Variants in PKHD1L1 observed in about 807,000 individuals in gnomAD.
PKHD1L1 encodes the protein fibrocystin-L.
Under a neutral mutation model 462.9 loss-of-function variants are expected in PKHD1L1, and 434 were observed. The ratio of observed to expected loss-of-function variants is 0.94; its 90% CI spans 0.87 to 1.02. The LOEUF is 1.02. Ranked by LOEUF, PKHD1L1 falls within the 50% of genes least tolerant of loss-of-function variation. The probability of loss-of-function intolerance (pLI) is 0.00; values close to 1 mark genes in which losing one functional copy is unlikely to be tolerated. For synonymous variants in PKHD1L1, 1,781 were observed against 1,750.0 expected (o/e 1.02, Z -0.44); for missense variants, 5,202 against 5,096.1 (o/e 1.02, Z -0.63).
At chr8:109,491,667 T>C (rs760972131) in intron 61 of PKHD1L1, among the ~76,000 whole-genome samples, 4 of 151,870 alleles carry the variant, frequency 2.6e-5, no homozygotes, top group Non-Finnish European at 5.9e-5. Flanking sequence ...TCCCAGAAGA[T>C]TCTAATTCAG....
At chr8:109,392,083 C>A (rs1317012853) in intron 9 of PKHD1L1, among the ~76,000 whole-genome samples, 2 of 152,192 alleles carry the variant, frequency 1.3e-5, no homozygotes, top group East Asian at 3.8e-4. Flanking sequence ...GACCTACTTA[C>A]ATACGACTTG....
At chr8:109,418,888 T>C (rs1302966801) in intron 21 of PKHD1L1, among the ~76,000 whole-genome samples, 1 of 152,236 alleles carries the variant, frequency 6.6e-6, no homozygotes, top group African/African-American at 2.4e-5. Flanking sequence ...AAAGCCTATA[T>C]TTGTATACAA....
chr8:109,472,844 C>G (rs1012946003), intron 50 of PKHD1L1, among the ~76,000 whole-genome samples: 1 of 151,848 alleles, frequency 6.6e-6, no homozygotes, highest in Non-Finnish European at 1.5e-5. Context: ...TATATGTATG[C>G]TGAGTGAAAC....
intron 61 of PKHD1L1, 32 bp downstream of exon 61, chr8:109,491,133 C>A: frequency 6.3e-7 from 1 of 1,586,538 alleles, no homozygotes; most frequent in Non-Finnish European, 8.6e-7. Flanking sequence ...TCAAATTACA[C>A]ATCCTGTGGA....
intron 62 of PKHD1L1, among the ~76,000 whole-genome samples, chr8:109,493,229 ATATT>A (rs1181376702): frequency 1.3e-5 from 2 of 148,238 alleles, no homozygotes; most frequent in African/African-American, 4.9e-5. Flanking sequence ...ATATAAATAT[ATATT>A]TATATTAAAC....
intron 40 of PKHD1L1, among the ~76,000 whole-genome samples, chr8:109,449,968 T>C (rs1816391239): frequency 6.6e-6 from 1 of 152,226 alleles, no homozygotes; most frequent in Non-Finnish European, 1.5e-5. Flanking sequence ...TGTCAGGTTT[T>C]ATCAGTTAAT....
intron 77 of PKHD1L1, among the ~76,000 whole-genome samples, 156 bp from the exon 78 acceptor site, chr8:109,529,924 A>G (rs940185522): frequency 2.6e-4 from 40 of 152,130 alleles, no homozygotes; most frequent in Non-Finnish European, 5.9e-4. Flanking sequence ...TTCTACAAAA[A>G]AACCATTACT....
intron 23 of PKHD1L1, among the ~76,000 whole-genome samples, chr8:109,422,171 G>C (rs1814507401): frequency 1.3e-5 from 2 of 151,988 alleles, no homozygotes; most frequent in African/African-American, 4.8e-5. Flanking sequence ...TCATAACCAG[G>C]AAATTGACAT....
At chr8:109,460,755 G>T (rs1817077766) in intron 47 of PKHD1L1, among the ~76,000 whole-genome samples, 2 of 152,142 alleles carry the variant, frequency 1.3e-5, no homozygotes, top group Admixed American at 1.3e-4. Context: ...AAATATAAAA[G>T]TCTATTTCCC....
chr8:109,508,005 TTAAACTAGC>T, intron 69 of PKHD1L1, 83 bp from the exon 70 acceptor site: 1 of 1,496,804 alleles, frequency 6.7e-7, no homozygotes, highest in Middle Eastern at 1.8e-4. Context: ...TTTCTACTTC[TTAAACTAGC>T]ATAACAAGAA....
At chr8:109,413,307 G>A (rs1029416513) in intron 20 of PKHD1L1, 114 bp from the exon 21 acceptor site, 14 of 739,864 alleles carry the variant, frequency 1.9e-5, no homozygotes, top group South Asian at 4.2e-5. Flanking sequence ...GTTCTGGTAC[G>A]TTTTATGTAG....
chr8:109,415,716 G>A (rs1008763108), intron 21 of PKHD1L1, among the ~76,000 whole-genome samples: 2 of 152,052 alleles, frequency 1.3e-5, no homozygotes, highest in Admixed American at 1.3e-4. Context: ...GGGCATGGTG[G>A]TGCACACCTG....
At position 109,438,963 on chromosome 8, in the gene PKHD1L1, A is replaced by G. The variant is rs1390619098; in HGVS notation, c.3827A>G (p.Tyr1276Cys). The change falls in exon 32 of 78, where the codon TAT (tyrosine) becomes TGT (cysteine). Residue 1276 changes from tyrosine to cysteine, a missense_variant. Physicochemically the swap from Tyr to Cys is radical, Grantham distance 194. Transcript: ENST00000378402. ...GAACTCACACAAAACATGGCGGTGT[A>G]TGTTGGAGGAAAAACCTGCCAGATT... The part of the protein sequence containing the change: ...GNELTQNMAV[Y>C]VGGKTCQILH... 6.2e-7 allele frequency: 1 copy of G among 1,613,710 alleles called. No homozygotes were observed. Among genetic ancestry groups the G allele is most frequent in the Admixed American group, 1.7e-5 (1 of 59,984 alleles).
chr8:109,371,942 C>A (rs1459652174), intron 2 of PKHD1L1, among the ~76,000 whole-genome samples: 1 of 152,056 alleles, frequency 6.6e-6, no homozygotes, highest in Non-Finnish European at 1.5e-5. Context: ...TAGTGTGATG[C>A]CTCCAGCTTT....
intron 76 of PKHD1L1, 70 bp from the exon 77 acceptor site, chr8:109,526,714 C>A: frequency 7.7e-7 from 1 of 1,298,906 alleles, no homozygotes; most frequent in Non-Finnish European, 1.1e-6. Flanking sequence ...CAATGAAAAT[C>A]AAATGGGAAC....
chr8:109,504,258 T>C (rs1819579076), intron 67 of PKHD1L1, 69 bp from the exon 68 acceptor site: 3 of 987,788 alleles, frequency 3.0e-6, no homozygotes, highest in Non-Finnish European at 4.3e-6. Flanking sequence ...TTTGGCAGAA[T>C]GTGCATTAAA....
rs1818801945 is a variant in PKHD1L1, at chr8:109,491,102, G to C, written c.10114+1G>C. 1.2e-6 allele frequency: 2 copies of C among 1,605,374 alleles called. No individual in the cohort carries two copies. The highest frequency in any genetic ancestry group is 1.7e-5 in the Admixed American group (1 of 59,622). On this transcript the variant is annotated splice_donor_variant, in intron 61 of 77. Coordinates refer to ENST00000378402, the MANE Select transcript of PKHD1L1 (RefSeq NM_177531.6). LOFTEE classifies it high-confidence loss of function. ...ATCATTCACTTTACAGTGGGGGAAGGTAATATAATAATATTTTGGTTCAAA... is the reference window on the plus strand; with the variant it reads ...ATCATTCACTTTACAGTGGGGGAAGCTAATATAATAATATTTTGGTTCAAA...
chr8:109,395,841 G>A (rs748549060), intron 10 of PKHD1L1, among the ~76,000 whole-genome samples, 186 bp from the exon 11 acceptor site: 6 of 152,134 alleles, frequency 3.9e-5, no homozygotes, highest in Non-Finnish European at 7.4e-5. Context: ...CTCTGTCAAT[G>A]CCATGTCTAT....
Position 109,420,667 on chromosome 8 carries a change from A to T in PKHD1L1, c.2674A>T (p.Met892Leu), listed in dbSNP as rs773850913. ...TSYNCSYNIP[M>L]MAVSFGQIIT... ...ATACAATTGCAGTTACAATATACCCATGATGGCTGTGAGCTTTGGGCAGGT... is the reference window on the plus strand; with the variant it reads ...ATACAATTGCAGTTACAATATACCCTTGATGGCTGTGAGCTTTGGGCAGGT... The change falls in exon 23 of 78, where the codon ATG (methionine) becomes TTG (leucine). Residue 892 changes from methionine to leucine, a missense_variant. By Grantham distance (15) the Met-to-Leu change is conservative. Coordinates refer to ENST00000378402, the MANE Select transcript of PKHD1L1 (RefSeq NM_177531.6). 1 of 1,587,630 alleles carries T rather than the reference A, an allele frequency of 6.3e-7. No homozygotes were observed. Among genetic ancestry groups the T allele is most frequent in the Non-Finnish European group, 8.5e-7 (1 of 1,169,970 alleles).
Sources: gnomAD v4.1 joint callset for allele counts (sites outside exome capture counted in the v4.1 genomes callset) on GRCh38, gnomAD v4.1.1 for gene constraint, MANE v1.5 for transcripts, NCBI Gene and HGNC (gene_info 2026-07-23, HGNC 2026-07-21) for gene names.